The following PIK3AP1 variants were observed in gnomAD, a reference collection of about 807,000 sequenced individuals.
The protein encoded by PIK3AP1 is phosphoinositide-3-kinase adaptor protein 1.
Under a neutral mutation model 88.1 loss-of-function variants are expected in PIK3AP1, and 21 were observed. The observed-to-expected ratio is 0.24, with a 90% CI of 0.17 to 0.34. The LOEUF (loss-of-function observed/expected upper bound fraction) is 0.34, where lower values mean the gene tolerates loss of function less well. PIK3AP1 is among the 10% of genes least tolerant of loss of function. The probability of loss-of-function intolerance (pLI) is 1.00; values close to 1 mark genes in which losing one functional copy is unlikely to be tolerated. For synonymous variants in PIK3AP1, 398 were observed against 400.0 expected (o/e 1.00, Z 0.06); for missense variants, 828 against 1,035.7 (o/e 0.80, Z 2.75).
At chr10:96,674,627 C>T (rs955567872) in intron 2 of PIK3AP1, among the ~76,000 whole-genome samples, 1 of 152,198 alleles carries the variant, frequency 6.6e-6, no homozygotes, top group African/African-American at 2.4e-5. Context: ...ATACTTCTTG[C>T]ATGAATGGAT....
At chr10:96,641,778 A>G (rs1843392615) in intron 8 of PIK3AP1, among the ~76,000 whole-genome samples, 1 of 152,216 alleles carries the variant, frequency 6.6e-6, no homozygotes, top group South Asian at 2.1e-4. Flanking sequence ...AGATCATCCT[A>G]TTCACTAAAC....
chr10:96,653,780 G>A (rs183734141), intron 3 of PIK3AP1, among the ~76,000 whole-genome samples: 133 of 152,234 alleles, frequency 8.7e-4, no homozygotes, highest in African/African-American at 2.5e-3. Context: ...GAACCACCGC[G>A]CCTGGCCATT....
chr10:96,710,671 A>G (rs1844427621), intron 1 of PIK3AP1, among the ~76,000 whole-genome samples: 2 of 152,204 alleles, frequency 1.3e-5, no homozygotes, highest in Non-Finnish European at 2.9e-5. Context: ...AGAGGTTACT[A>G]TGTTCCAGGC....
At chr10:96,686,673 G>C (rs531250688) in intron 2 of PIK3AP1, among the ~76,000 whole-genome samples, 1 of 152,162 alleles carries the variant, frequency 6.6e-6, no homozygotes, top group African/African-American at 2.4e-5. Flanking sequence ...TGCTTGACTA[G>C]GACTACTTTA....
chr10:96,718,887 TC>T (rs377272513), intron 1 of PIK3AP1, among the ~76,000 whole-genome samples: 177 of 152,092 alleles, frequency 1.2e-3, no homozygotes, highest in African/African-American at 4.1e-3. Context: ...TCTGGCCTAC[TC>T]CCTTTCCTTT....
Position 96,595,544 on chromosome 10 carries a change from A to C in PIK3AP1, c.*33T>G. Reference sequence around the variant, plus strand: ...ACAGGCTGAAGACTGTGAGTCTTAAAGTCCTGAAGTAGGCAGGTTTTAGGA... The same window carrying C: ...ACAGGCTGAAGACTGTGAGTCTTAACGTCCTGAAGTAGGCAGGTTTTAGGA... On this transcript the variant is annotated 3_prime_UTR_variant, in exon 17 of 17. Coordinates refer to ENST00000339364, the MANE Select transcript of PIK3AP1 (RefSeq NM_152309.3). The C allele has an allele frequency of 6.3e-7, 1 of 1,598,666 alleles. No homozygotes were observed. The highest frequency in any genetic ancestry group is 8.6e-7 in the Non-Finnish European group (1 of 1,166,554).
chr10:96,646,973 C>T (rs781525921), intron 7 of PIK3AP1, among the ~76,000 whole-genome samples: 1 of 152,082 alleles, frequency 6.6e-6, no homozygotes, highest in Non-Finnish European at 1.5e-5. Context: ...CTCACGAGAC[C>T]CAATAAAACA....
intron 14 of PIK3AP1, among the ~76,000 whole-genome samples, chr10:96,605,096 G>A (rs565546554): frequency 9.8e-5 from 15 of 152,302 alleles, no homozygotes; most frequent in African/African-American, 3.4e-4. Flanking sequence ...CTGACCTCAT[G>A]ATCCGTCCAC....
intron 8 of PIK3AP1, among the ~76,000 whole-genome samples, chr10:96,643,145 T>A (rs1589509129): frequency 6.6e-6 from 1 of 152,152 alleles, no homozygotes; most frequent in East Asian, 1.9e-4. Flanking sequence ...GATAGGATGA[T>A]GGGCAAGGCT....
intron 2 of PIK3AP1, among the ~76,000 whole-genome samples, chr10:96,698,026 G>A (rs1844244856): frequency 6.6e-6 from 1 of 152,094 alleles, no homozygotes; most frequent in East Asian, 1.9e-4. Context: ...TCTCTCTGAG[G>A]TCTGGATGGT....
At chr10:96,684,368 C>G (rs867562365) in intron 2 of PIK3AP1, among the ~76,000 whole-genome samples, 2 of 152,202 alleles carry the variant, frequency 1.3e-5, no homozygotes, top group Non-Finnish European at 2.9e-5. Flanking sequence ...GGTTTCCTCC[C>G]AGGTGCCAAC....
chr10:96,650,725 C>T (rs1481953414), intron 6 of PIK3AP1, among the ~76,000 whole-genome samples: 1 of 152,168 alleles, frequency 6.6e-6, no homozygotes, highest in Non-Finnish European at 1.5e-5. Flanking sequence ...GCCAGGTAAA[C>T]AGCAACCAAG....
intron 8 of PIK3AP1, among the ~76,000 whole-genome samples, chr10:96,640,083 G>A (rs1428298601): frequency 6.6e-6 from 1 of 152,190 alleles, no homozygotes; most frequent in Non-Finnish European, 1.5e-5. Flanking sequence ...AAGTTAGCTA[G>A]AGCTAAGTCA....
chr10:96,667,812 C>A (rs182591497), intron 2 of PIK3AP1, among the ~76,000 whole-genome samples: 1 of 152,328 alleles, frequency 6.6e-6, no homozygotes, highest in East Asian at 1.9e-4. Context: ...AAGACTTCAA[C>A]CAGTAAAAGA....
intron 16 of PIK3AP1, among the ~76,000 whole-genome samples, chr10:96,600,203 C>T (rs556585986): frequency 6.6e-6 from 1 of 152,324 alleles, no homozygotes; most frequent in African/African-American, 2.4e-5. Flanking sequence ...CAGCAAGTCT[C>T]AGCCCAATCT....
intron 2 of PIK3AP1, among the ~76,000 whole-genome samples, chr10:96,697,637 G>C (rs1437159195): frequency 6.6e-6 from 1 of 152,144 alleles, no homozygotes; most frequent in Non-Finnish European, 1.5e-5. Context: ...GCTGAGATGA[G>C]AGGATCGCTT....
rs996326490 is a variant in PIK3AP1 at position 96,593,640 on chromosome 10, C to T, written c.*1937G>A. On this transcript the variant is annotated 3_prime_UTR_variant, in exon 17 of 17. Coordinates refer to ENST00000339364, the MANE Select transcript of PIK3AP1 (RefSeq NM_152309.3). ...ACATCAAAATTATTCTTCTTCTTAT[C>T]TCACGTGCCCCTATTTCTCCCAAAT... 3.3e-5 allele frequency: 5 copies of T among 152,090 alleles called. No individual in the cohort carries two copies. Among genetic ancestry groups the T allele is most frequent in the Admixed American group, 2.0e-4 (3 of 15,280 alleles). The allele number at this position is 152,090 out of a possible 1,614,324, so 9.4% of individuals were successfully genotyped here.
At chr10:96,642,142 G>T (rs1228905504) in intron 8 of PIK3AP1, among the ~76,000 whole-genome samples, 2 of 152,082 alleles carry the variant, frequency 1.3e-5, no homozygotes, top group African/African-American at 2.4e-5. Context: ...TGAAAAATGT[G>T]GGCCGGGCAT....
chr10:96,656,661 T>G, intron 3 of PIK3AP1, 137 bp downstream of exon 3: 1 of 1,289,358 alleles, frequency 7.8e-7, no homozygotes, highest in Non-Finnish European at 1.1e-6. Context: ...AACAGGGTAC[T>G]CAAAAGAAAT....
Sources: gnomAD v4.1 joint callset for allele counts (sites outside exome capture counted in the v4.1 genomes callset) on GRCh38, gnomAD v4.1.1 for gene constraint, MANE v1.5 for transcripts, NCBI Gene and HGNC (gene_info 2026-07-23, HGNC 2026-07-21) for gene names.